Variants in CREB3L1 observed in about 807,000 individuals in gnomAD.
CREB3L1 encodes the protein cAMP responsive element binding protein 3 like 1.
Under a neutral mutation model 54.5 loss-of-function variants are expected in CREB3L1, and 33 were observed. The observed-to-expected ratio is 0.61, with a 90% confidence interval of 0.46 to 0.81. The LOEUF is 0.81. Ranked by LOEUF, CREB3L1 falls within the 30% of genes least tolerant of loss-of-function variation. The pLI, the probability that CREB3L1 is intolerant of heterozygous loss-of-function variation, is 0.00. For synonymous variants in CREB3L1, 284 were observed against 286.4 expected (o/e 0.99, Z 0.08); for missense variants, 656 against 673.3 (o/e 0.97, Z 0.29).
chr11:46,317,642 A>C (rs1346191682), intron 10 of CREB3L1, among the ~76,000 whole-genome samples, 155 bp downstream of exon 10: 1 of 152,208 alleles, frequency 6.6e-6, no homozygotes, highest in African/African-American at 2.4e-5. Flanking sequence ...CCGAGGCCCA[A>C]AGAGAGTCTA....
chr11:46,278,318 G>A lies in CREB3L1; in HGVS notation c.102+105G>A. On this transcript the variant is annotated intron_variant, in intron 1 of 11. Transcript: ENST00000621158. This position sits in a 1 kb window ranked among gnomAD's most constrained non-coding sequence, Gnocchi z 4.2. ...ACTACACATCACTGGGCAGGAGCCG[G>A]GGAGAGGGTTCAGCGCAGGGTCTCC... 1.5e-6 allele frequency: 1 copy of A among 657,948 alleles called. No homozygotes were observed. Among genetic ancestry groups the A allele is most frequent in the Non-Finnish European group, 2.5e-6 (1 of 394,138 alleles). 40.8% of individuals were successfully genotyped at this position (657,948 alleles called of 1,614,324 possible).
intron 1 of CREB3L1, among the ~76,000 whole-genome samples, chr11:46,292,066 C>A (rs1939138455): frequency 6.6e-6 from 1 of 152,090 alleles, no homozygotes; most frequent in Admixed American, 6.5e-5. Context: ...TCTGTTTATA[C>A]CCTTAGGCCT....
chr11:46,293,277 G>A (rs1434952132), intron 1 of CREB3L1, among the ~76,000 whole-genome samples: 2 of 152,190 alleles, frequency 1.3e-5, no homozygotes, highest in South Asian at 2.1e-4. Flanking sequence ...CTGTGCCCTC[G>A]GAGGTGCCAG....
chr11:46,320,016 C>T (rs913401514), intron 10 of CREB3L1, among the ~76,000 whole-genome samples: 1 of 152,112 alleles, frequency 6.6e-6, no homozygotes, highest in Non-Finnish European at 1.5e-5. Context: ...AATCACTTCC[C>T]CTGTATTACC....
Position 46,312,484 on chromosome 11 carries a change from GC to G in CREB3L1, c.903+12del. 1 of 1,612,420 alleles carries G rather than the reference GC, an allele frequency of 6.2e-7. No homozygotes were observed. Among genetic ancestry groups the G allele is most frequent in the African/African-American group, 1.3e-5 (1 of 74,958 alleles). ...GAAAATCAAGAACAAGGTAAAGCCT[GC>G]CACCCTGGGGCTTCAGAGGGCTTCC... On this transcript the variant is annotated intron_variant, in intron 6 of 11. Transcript: ENST00000621158.
chr11:46,283,935 G>A (rs1296630443), intron 1 of CREB3L1, among the ~76,000 whole-genome samples: 1 of 152,242 alleles, frequency 6.6e-6, no homozygotes, highest in Non-Finnish European at 1.5e-5. Context: ...GGATCCTGGG[G>A]TTTTCAGGAT....
At chr11:46,285,651 C>T (rs1939044637) in intron 1 of CREB3L1, among the ~76,000 whole-genome samples, 1 of 152,148 alleles carries the variant, frequency 6.6e-6, no homozygotes, top group Non-Finnish European at 1.5e-5. Context: ...TTCAGTGTGC[C>T]TCCTCCCCTA....
chr11:46,312,333 G>A lies in CREB3L1; in HGVS notation c.762G>A (p.Gln254=), dbSNP rs754252777. ...SPLLTAPHKL[Q]GTSGPLLLTE... ...CATCATACTTCCTACAGAAATTACA[G>A]GGGACATCAGGGCCACTGCTCCTGA... Residue 254 remains glutamine, a synonymous_variant, in exon 6 of 12, where the codon CAG becomes CAA. Transcript: ENST00000621158. 8.8e-5 allele frequency: 141 copies of A among 1,595,562 alleles called. No individual in the cohort carries two copies. Among genetic ancestry groups the A allele is most frequent in the Admixed American group, 1.8e-5 (1 of 55,966 alleles).
At chr11:46,308,877 A>G (rs1939442694) in intron 3 of CREB3L1, among the ~76,000 whole-genome samples, 1 of 151,948 alleles carries the variant, frequency 6.6e-6, no homozygotes. Context: ...TGGCTCTGAG[A>G]CTCCTCAGGC....
chr11:46,284,089 C>T (rs924100339), intron 1 of CREB3L1, among the ~76,000 whole-genome samples: 16 of 152,298 alleles, frequency 1.1e-4, no homozygotes, highest in African/African-American at 3.8e-4. Context: ...CATGTCCATT[C>T]CTTCAGCAAC....
At chr11:46,312,730 C>T (rs1177505613) in intron 7 of CREB3L1, 60 bp downstream of exon 7, 3 of 1,565,246 alleles carry the variant, frequency 1.9e-6, no homozygotes, top group African/African-American at 2.7e-5. Flanking sequence ...CTCCCCTAGG[C>T]CCTCCCTCAG....
At chr11:46,280,499 T>G (rs952577025) in intron 1 of CREB3L1, among the ~76,000 whole-genome samples, 1 of 152,220 alleles carries the variant, frequency 6.6e-6, no homozygotes, top group Non-Finnish European at 1.5e-5. Flanking sequence ...CAAAAGTGAC[T>G]TTTCTTCTTC....
chr11:46,312,070 G>T (rs1255061983), intron 5 of CREB3L1, among the ~76,000 whole-genome samples: 1 of 152,148 alleles, frequency 6.6e-6, no homozygotes, highest in Non-Finnish European at 1.5e-5. Flanking sequence ...AGCTTTGAGG[G>T]TGCAGTCTCA....
chr11:46,278,184 C>A lies in CREB3L1; in HGVS notation c.73C>A (p.Leu25Met). 6.3e-7 allele frequency: 1 copy of A among 1,575,228 alleles called. No individual in the cohort carries two copies. Among genetic ancestry groups the A allele is most frequent in the Admixed American group, 1.8e-5 (1 of 54,948 alleles). ...PGSSFLDLGDLNESDFLNNAH... is the reference protein window; with the variant it reads ...PGSSFLDLGDMNESDFLNNAH... The stretch of plus-strand genomic sequence containing the variant: ...ATCCAGCTTCCTGGACTTGGGGGAT[C>A]TGAACGAGTCGGACTTCCTCAACAA... The change falls in exon 1 of 12, where the codon CTG (leucine) becomes ATG (methionine). Residue 25 changes from leucine (L) to methionine (M), a missense_variant. By Grantham distance (15) the Leu-to-Met change is conservative (BLOSUM62 2). Around this residue, in one of 3 missense-constraint regions of CREB3L1, gnomAD observed 339 missense variants for 331.5 expected, o/e 1.02. Coordinates refer to ENST00000621158, the MANE Select transcript of CREB3L1 (RefSeq NM_052854.4). This position sits in a 1 kb window ranked among gnomAD's most constrained non-coding sequence, Gnocchi z 4.2.
At chr11:46,317,611 C>T (rs1031440083) in intron 10 of CREB3L1, 124 bp downstream of exon 10, 6 of 1,268,470 alleles carry the variant, frequency 4.7e-6, no homozygotes. Context: ...CTCATTTTGC[C>T]TCATTTTCCA....
rs567703137 is a variant in CREB3L1, at chr11:46,278,460, G to T, written c.102+247G>T. ...GAGGTATCGGGTCCGTCCGATCCTC[G>T]GATCTGAGCTCAAGAGACACCAATC... On this transcript the variant is annotated intron_variant, in intron 1 of 11. Transcript: ENST00000621158. This position sits in a 1 kb window ranked among gnomAD's most constrained non-coding sequence, Gnocchi z 4.2. 5.3e-5 allele frequency among the ~76,000 whole-genome samples: 8 copies of T among 152,322 alleles called. No individual in the cohort carries two copies. The highest frequency in any genetic ancestry group is 1.9e-4 in the African/African-American group (8 of 41,578).
At chr11:46,293,087 C>A (rs1357498174) in intron 1 of CREB3L1, among the ~76,000 whole-genome samples, 11 of 152,222 alleles carry the variant, frequency 7.2e-5, no homozygotes, top group Non-Finnish European at 1.0e-4. Flanking sequence ...CCAGTAGGTG[C>A]TGAGTAAATA....
chr11:46,309,338 T>TG (rs1173243370), intron 3 of CREB3L1, among the ~76,000 whole-genome samples: 1 of 152,200 alleles, frequency 6.6e-6, no homozygotes, highest in East Asian at 1.9e-4. Context: ...ACCACTTACT[T>TG]GCATGTTGGT....
At chr11:46,306,811 G>C (rs1939403429) in intron 2 of CREB3L1, among the ~76,000 whole-genome samples, 1 of 147,820 alleles carries the variant, frequency 6.8e-6, no homozygotes. Context: ...CACTCTGTCT[G>C]TCTAGGCTGG....
Sources: allele counts gnomAD v4.1 joint callset (sites outside exome capture counted in the v4.1 genomes callset), GRCh38; gene constraint gnomAD v4.1.1; regional missense constraint gnomAD v4.1.1; non-coding constraint Gnocchi (gnomAD v3.1); transcripts MANE v1.5; gene names NCBI Gene and HGNC (gene_info 2026-07-23, HGNC 2026-07-21).